Variants in ODAM observed in about 807,000 individuals in gnomAD.
ODAM encodes the protein odontogenic ameloblast-associated protein.
ODAM carries 55 observed loss-of-function variants against 48.5 expected under a neutral mutation model. That is an observed-to-expected ratio of 1.13 (90% CI 0.91 to 1.42). The LOEUF is 1.42. Among genes scored for constraint, ODAM ranks in the 40% most tolerant of loss-of-function variants. ODAM has a pLI of 0.00. For missense variants in ODAM, 353 were observed against 323.6 expected (o/e 1.09, Z -0.70); for synonymous variants, 127 against 107.8 (o/e 1.18, Z -1.10).
rs759576925 is a variant in ODAM at position 70,195,762 on chromosome 4, T to C, written c.-47T>C. 24 of 984,692 alleles carry C rather than the reference T, an allele frequency of 2.4e-5. No homozygotes were observed. The highest frequency in any genetic ancestry group is 2.9e-5 in the Non-Finnish European group (24 of 829,430). 61.0% of individuals were successfully genotyped at this position (984,692 alleles called of 1,614,324 possible). ...GGAAAAGAACACAGATCTCGCATGG[T>C]TCAGATTTTTCTTTTTAGGTCCAGG... On this transcript the variant is annotated 5_prime_UTR_variant, in exon 1 of 12. Coordinates refer to ENST00000683306, the MANE Select transcript of ODAM (RefSeq NM_017855.4).
Position 70,201,490 on chromosome 4 carries a change from C to T in ODAM, c.565C>T (p.Leu189=). The T allele has an allele frequency of 6.6e-7, 1 of 1,506,838 alleles. No individual in the cohort carries two copies. Among genetic ancestry groups the T allele is most frequent in the South Asian group, 1.2e-5 (1 of 86,914 alleles). The allele number at this position is 1,506,838 out of a possible 1,614,324, so 93.3% of individuals were successfully genotyped here. Residue 189 remains leucine, a synonymous_variant, in exon 8 of 12, where the codon CTA becomes TTA. Coordinates refer to ENST00000683306, the MANE Select transcript of ODAM (RefSeq NM_017855.4). The stretch of plus-strand genomic sequence containing the variant: ...TGCTCAATTTGGATACATTCCACAA[C>T]TAGCAGAACCTGTAAGTAAATGCAT... The part of the protein sequence containing the change: ...FYAQFGYIPQ[L]AEPAISGGQQ...
At chr4:70,198,215 C>CA (rs1302641928) in intron 5 of ODAM, 58 bp downstream of exon 5, 5 of 1,381,940 alleles carry the variant, frequency 3.6e-6, no homozygotes, top group Non-Finnish European at 5.0e-6. Context: ...TTTAATCTGA[C>CA]AATGAATATG....
At position 70,195,766 on chromosome 4, in the gene ODAM, G is replaced by A. The variant is rs1259794250; in HGVS notation, c.-43G>A. On this transcript the variant is annotated 5_prime_UTR_variant, in exon 1 of 12. Coordinates refer to ENST00000683306, the MANE Select transcript of ODAM (RefSeq NM_017855.4). Reference sequence around the variant, plus strand: ...AAGAACACAGATCTCGCATGGTTCAGATTTTTCTTTTTAGGTCCAGGAGTA... The same window carrying A: ...AAGAACACAGATCTCGCATGGTTCAAATTTTTCTTTTTAGGTCCAGGAGTA... 3.6e-5 allele frequency: 35 copies of A among 984,728 alleles called. No homozygotes were observed. Among genetic ancestry groups the A allele is most frequent in the Non-Finnish European group, 4.0e-5 (33 of 829,446 alleles). The allele number at this position is 984,728 out of a possible 1,614,324, so 61.0% of individuals were successfully genotyped here.
chr4:70,196,029 C>T (rs896390427), intron 1 of ODAM, among the ~76,000 whole-genome samples: 2 of 151,908 alleles, frequency 1.3e-5, no homozygotes, highest in African/African-American at 4.8e-5. Flanking sequence ...GACTCAGTTG[C>T]TTAGTTCTAG....
intron 4 of ODAM, chr4:70,197,673 G>A (rs1002801867): frequency 3.6e-6 from 2 of 556,908 alleles, no homozygotes; most frequent in African/African-American, 3.8e-5. Context: ...TAAAACCAGT[G>A]TGGCATATGC....
chr4:70,203,003 C>T, intron 10 of ODAM, 86 bp downstream of exon 10: 1 of 1,392,444 alleles, frequency 7.2e-7, no homozygotes, highest in Non-Finnish European at 1.0e-6. Context: ...ATTTATAGGA[C>T]TTAGTCATGA....
rs1161414978 is a variant in ODAM at position 70,204,311 on chromosome 4, C to T, written c.*166C>T. Reference sequence around the variant, plus strand: ...TTTTACTTATACATGTTATTAAACTCTTTAAATATGTCATAGAAAATAATA... The same window carrying T: ...TTTTACTTATACATGTTATTAAACTTTTTAAATATGTCATAGAAAATAATA... On this transcript the variant is annotated 3_prime_UTR_variant, in exon 12 of 12. Coordinates refer to ENST00000683306, the MANE Select transcript of ODAM (RefSeq NM_017855.4). The T allele has an allele frequency of 6.6e-6, 1 of 151,898 alleles. No individual in the cohort carries two copies. Among genetic ancestry groups the T allele is most frequent in the Non-Finnish European group, 1.5e-5 (1 of 67,956 alleles). The allele number at this position is 151,898 out of a possible 1,614,324, so 9.4% of individuals were successfully genotyped here.
At chr4:70,199,441 G>T (rs115984922) in intron 6 of ODAM, among the ~76,000 whole-genome samples, 3,342 of 152,004 alleles carry the variant, frequency 0.022, 52 homozygotes, top group Non-Finnish European at 0.034. Context: ...AGCATTTAAA[G>T]AATTAGATGT....
intron 4 of ODAM, chr4:70,197,704 A>T: frequency 1.7e-6 from 1 of 578,448 alleles, no homozygotes; most frequent in Admixed American, 3.2e-5. Context: ...CTCTTTTATC[A>T]ACCTTATCCT....
intron 1 of ODAM, among the ~76,000 whole-genome samples, chr4:70,196,197 T>G (rs1164959500): frequency 6.6e-6 from 1 of 151,970 alleles, no homozygotes; most frequent in African/African-American, 2.4e-5. Flanking sequence ...CATGGTCTGA[T>G]GGGCCTGCTC....
At chr4:70,198,457 TG>T (rs1358029671) in intron 5 of ODAM, 121 bp from the exon 6 acceptor site, 2 of 770,858 alleles carry the variant, frequency 2.6e-6, no homozygotes, top group African/African-American at 3.6e-5. Context: ...GATGACTTTT[TG>T]TTGTGGAAAC....
chr4:70,200,728 G>A (rs1252698007), intron 7 of ODAM, 127 bp downstream of exon 7: 1 of 568,552 alleles, frequency 1.8e-6, no homozygotes, highest in Non-Finnish European at 3.1e-6. Flanking sequence ...GAAACAGGTA[G>A]GCATAAGAGG....
At chr4:70,200,261 C>A in intron 6 of ODAM, 1 of 432,330 alleles carries the variant, frequency 2.3e-6, no homozygotes, top group South Asian at 2.7e-5. Flanking sequence ...TAGTTCAACC[C>A]ACTATTTCCT....
At chr4:70,197,047 C>T (rs529718278) in intron 3 of ODAM, among the ~76,000 whole-genome samples, 2 of 152,116 alleles carry the variant, frequency 1.3e-5, no homozygotes, top group East Asian at 1.9e-4. Flanking sequence ...AATGTGCTAA[C>T]GTTGTGCAAT....
chr4:70,198,674 T>C, intron 6 of ODAM, 48 bp downstream of exon 6: 1 of 1,409,918 alleles, frequency 7.1e-7, no homozygotes, highest in Non-Finnish European at 1.0e-6. Flanking sequence ...ACATACACTC[T>C]CCACAATGCT....
Position 70,201,444 on chromosome 4 carries a change from A to C in ODAM, c.529-10A>C. 1 of 1,431,734 alleles carries C rather than the reference A, an allele frequency of 7.0e-7. No individual in the cohort carries two copies. Among genetic ancestry groups the C allele is most frequent in the Non-Finnish European group, 9.7e-7 (1 of 1,027,862 alleles). The allele number at this position is 1,431,734 out of a possible 1,614,324, so 88.7% of individuals were successfully genotyped here. ...AGAAAATATAATACATTTTTTAAAA[A>C]ATCTGACAGATACCATTCTATGCTC... On this transcript the variant is annotated splice_polypyrimidine_tract_variant and intron_variant, in intron 7 of 11. Transcript: ENST00000683306.
At chr4:70,200,107 C>T (rs1729463525) in intron 6 of ODAM, 2 of 447,274 alleles carry the variant, frequency 4.5e-6, no homozygotes, top group South Asian at 3.2e-5. Context: ...GGCAGAACAT[C>T]TAATACCACA....
At chr4:70,199,591 C>A (rs1277369545) in intron 6 of ODAM, among the ~76,000 whole-genome samples, 2 of 151,978 alleles carry the variant, frequency 1.3e-5, no homozygotes, top group African/African-American at 4.8e-5. Flanking sequence ...AAACCAGTAG[C>A]TCTCCATCCT....
At chr4:70,198,840 G>A (rs1356041390) in intron 6 of ODAM, among the ~76,000 whole-genome samples, 1 of 152,100 alleles carries the variant, frequency 6.6e-6, no homozygotes, top group Middle Eastern at 3.4e-3. Context: ...GAGTCTCCAG[G>A]ACCCCTGAAT....
Sources: allele counts gnomAD v4.1 joint callset (sites outside exome capture counted in the v4.1 genomes callset), GRCh38; gene constraint gnomAD v4.1.1; transcripts MANE v1.5; gene names NCBI Gene and HGNC (gene_info 2026-07-23, HGNC 2026-07-21).